GALNTL6: variants seen among roughly 807,000 people sequenced by gnomAD.
GALNTL6 encodes polypeptide N-acetylgalactosaminyltransferase-like 6.
A neutral mutation model predicts 73.7 loss-of-function variants in GALNTL6; 46 were observed. That is an observed-to-expected ratio of 0.62 (90% CI 0.49 to 0.80). GALNTL6 has a LOEUF of 0.80. GALNTL6 is among the 30% of genes least tolerant of loss of function. The probability of loss-of-function intolerance (pLI) is 0.00; values close to 1 mark genes in which losing one functional copy is unlikely to be tolerated. For missense variants in GALNTL6, 604 were observed against 755.0 expected (o/e 0.80, Z 2.34); for synonymous variants, 259 against 263.7 (o/e 0.98, Z 0.17).
intron 3 of GALNTL6, among the ~76,000 whole-genome samples, chr4:172,301,038 C>T (rs1739896211): frequency 6.6e-6 from 1 of 152,114 alleles, no homozygotes. Flanking sequence ...TCACATAGTC[C>T]CATATTTCTT....
At chr4:172,589,583 C>G (rs1737555310) in intron 5 of GALNTL6, among the ~76,000 whole-genome samples, 1 of 152,172 alleles carries the variant, frequency 6.6e-6, no homozygotes, top group Non-Finnish European at 1.5e-5. Context: ...CTTTTACCTC[C>G]CGAAAGGAAC....
intron 2 of GALNTL6, among the ~76,000 whole-genome samples, chr4:171,826,583 C>T (rs1734830326): frequency 2.6e-5 from 4 of 152,174 alleles, no homozygotes; most frequent in Non-Finnish European, 1.5e-5. Flanking sequence ...CTGAATCTGA[C>T]TCCTGCTAAT....
intron 5 of GALNTL6, among the ~76,000 whole-genome samples, chr4:172,582,645 T>A (rs1008489634): frequency 6.6e-6 from 1 of 152,140 alleles, no homozygotes; most frequent in East Asian, 1.9e-4. Flanking sequence ...TTACTACTAG[T>A]TTGTGTTGTT....
chr4:172,582,622 A>G (rs2110976952), intron 5 of GALNTL6, among the ~76,000 whole-genome samples: 1 of 152,302 alleles, frequency 6.6e-6, no homozygotes, highest in South Asian at 2.1e-4. Flanking sequence ...CATGGTAAGC[A>G]TTATGTAAAG....
intron 5 of GALNTL6, among the ~76,000 whole-genome samples, chr4:172,367,454 C>T (rs1198602385): frequency 1.3e-5 from 2 of 151,492 alleles, no homozygotes; most frequent in Admixed American, 6.6e-5. Context: ...CATAAGGCCC[C>T]TAGAAAGACC....
At chr4:172,680,685 C>G (rs1183280706) in intron 5 of GALNTL6, among the ~76,000 whole-genome samples, 1 of 152,146 alleles carries the variant, frequency 6.6e-6, no homozygotes, top group Admixed American at 6.6e-5. Context: ...TTCTTCTCCC[C>G]CTTCCTGACA....
intron 3 of GALNTL6, among the ~76,000 whole-genome samples, chr4:172,310,523 G>C (rs2111142543): frequency 6.6e-6 from 1 of 152,118 alleles, no homozygotes; most frequent in East Asian, 1.9e-4. Context: ...AGCCTGCCTT[G>C]ACCTCCCAAA....
intron 9 of GALNTL6, among the ~76,000 whole-genome samples, chr4:172,936,657 C>T (rs992009969): frequency 2.6e-5 from 4 of 152,132 alleles, no homozygotes; most frequent in African/African-American, 9.7e-5. Flanking sequence ...AGTGAACGCC[C>T]ATTCACAATT....
At chr4:172,369,103 C>T (rs529996523) in intron 5 of GALNTL6, among the ~76,000 whole-genome samples, 1 of 152,278 alleles carries the variant, frequency 6.6e-6, no homozygotes, top group East Asian at 1.9e-4. Flanking sequence ...CCACATCCTG[C>T]TGATTGGTCC....
At chr4:172,265,911 A>T (rs1259685552) in intron 3 of GALNTL6, among the ~76,000 whole-genome samples, 1 of 152,100 alleles carries the variant, frequency 6.6e-6, no homozygotes, top group Non-Finnish European at 1.5e-5. Context: ...TTTGATATAT[A>T]AAGAAACCTA....
intron 10 of GALNTL6, among the ~76,000 whole-genome samples, chr4:172,967,719 G>A (rs1354346233): frequency 2.6e-5 from 4 of 152,208 alleles, no homozygotes; most frequent in Middle Eastern, 3.4e-3. Flanking sequence ...ATTATAGTTG[G>A]TATTAATCTC....
At chr4:172,862,867 C>T (rs1275169110) in intron 7 of GALNTL6, among the ~76,000 whole-genome samples, 3 of 152,216 alleles carry the variant, frequency 2.0e-5, no homozygotes. Flanking sequence ...CCATCACAGG[C>T]CCAGGAGCCT....
intron 5 of GALNTL6, among the ~76,000 whole-genome samples, chr4:172,725,742 T>A (rs1008712790): frequency 1.3e-5 from 2 of 152,230 alleles, no homozygotes; most frequent in African/African-American, 4.8e-5. Context: ...AACAGTCATT[T>A]CCTCATCTGT....
chr4:172,478,923 A>T (rs550724545), intron 5 of GALNTL6, among the ~76,000 whole-genome samples: 33 of 152,354 alleles, frequency 2.2e-4, no homozygotes, highest in African/African-American at 7.7e-4. Context: ...GCTCAACATC[A>T]CTAGTTATCA....
At chr4:172,824,925 G>T (rs976985222) in intron 7 of GALNTL6, among the ~76,000 whole-genome samples, 11 of 152,094 alleles carry the variant, frequency 7.2e-5, no homozygotes, top group African/African-American at 2.7e-4. Context: ...TATTTATTTG[G>T]ATCTAAGCTC....
In GALNTL6 at chr4:171,979,138, A is replaced by G. The variant is rs77664099; in HGVS notation, c.138+164420A>G. 5.7e-3 allele frequency among the ~76,000 whole-genome samples: 864 copies of G among 152,298 alleles called. 5 individuals carry two copies. The highest frequency in any genetic ancestry group is 0.01 in the Non-Finnish European group (681 of 68,026). On this transcript the variant is annotated intron_variant, in intron 2 of 12. Coordinates refer to ENST00000506823, the MANE Select transcript of GALNTL6 (RefSeq NM_001034845.3). ...TATAAGAGTATCACAAGATTCATAC[A>G]TGATTCGCATGGCATAATCTTTGAA...
intron 4 of GALNTL6, among the ~76,000 whole-genome samples, chr4:172,335,737 G>T (rs963027102): frequency 6.6e-6 from 1 of 152,152 alleles, no homozygotes; most frequent in Non-Finnish European, 1.5e-5. Context: ...GTGTATAGAT[G>T]TGGTCGTATT....
At chr4:172,301,106 T>C (rs1739899130) in intron 3 of GALNTL6, among the ~76,000 whole-genome samples, 1 of 152,222 alleles carries the variant, frequency 6.6e-6, no homozygotes, top group South Asian at 2.1e-4. Flanking sequence ...TCTCTCTTCA[T>C]TTCATTCATT....
intron 2 of GALNTL6, among the ~76,000 whole-genome samples, chr4:172,016,702 A>G (rs1741206771): frequency 1.3e-5 from 2 of 151,830 alleles, no homozygotes; most frequent in Non-Finnish European, 1.5e-5. Context: ...TGGGTAGACT[A>G]TTTCTTAAAA....
Sources: allele counts gnomAD v4.1 joint callset (sites outside exome capture counted in the v4.1 genomes callset), GRCh38; gene constraint gnomAD v4.1.1; transcripts MANE v1.5; gene names NCBI Gene and HGNC (gene_info 2026-07-23, HGNC 2026-07-21).